ARFGAP2: variants seen among roughly 807,000 people sequenced by gnomAD.
The protein encoded by ARFGAP2 is ARF GTPase activating protein 2.
In ARFGAP2, 45 loss-of-function variants were observed where a neutral mutation model predicts 71.9. The ratio of observed to expected loss-of-function variants is 0.63; its 90% CI spans 0.49 to 0.80. ARFGAP2 has a LOEUF of 0.80. Among genes scored for constraint, ARFGAP2 ranks in the 30% least tolerant of loss-of-function variants. The pLI is 0.00. For missense variants in ARFGAP2, 633 were observed against 673.9 expected (o/e 0.94, Z 0.67); for synonymous variants, 248 against 249.2 (o/e 1.00, Z 0.05).
intron 10 of ARFGAP2, among the ~76,000 whole-genome samples, chr11:47,170,179 C>A (rs1399004693): frequency 6.6e-6 from 1 of 150,510 alleles, no homozygotes; most frequent in Non-Finnish European, 1.5e-5. Context: ...CAAAAATAAG[C>A]TGGGCATGGT....
At chr11:47,166,227 A>G in intron 15 of ARFGAP2, 41 bp downstream of exon 15, 1 of 1,601,122 alleles carries the variant, frequency 6.2e-7, no homozygotes, top group Non-Finnish European at 8.6e-7. Flanking sequence ...GCGAAGGGCA[A>G]ACCTCCCAGC....
chr11:47,172,375 CTCAGAGGCAGT>C (rs1952639051), intron 7 of ARFGAP2, 42 bp from the exon 8 acceptor site: 6 of 1,607,408 alleles, frequency 3.7e-6, no homozygotes, highest in Middle Eastern at 1.7e-4. Context: ...ACAAAGGCAG[CTCAGAGGCAGT>C]AGCTCAGTAT....
intron 7 of ARFGAP2, 113 bp from the exon 8 acceptor site, chr11:47,172,446 G>T: frequency 7.5e-7 from 1 of 1,325,504 alleles, no homozygotes; most frequent in East Asian, 2.3e-5. Context: ...TTCAGGCAAG[G>T]GAAGGCAAAG....
In ARFGAP2 at chr11:47,166,777, G is replaced by A. The variant is rs576771926; in HGVS notation, c.1315C>T (p.Arg439Trp). The A allele has an allele frequency of 9.7e-5, 156 of 1,613,614 alleles. No individual in the cohort carries two copies. The highest frequency in any genetic ancestry group is 1.9e-4 in the African/African-American group (14 of 75,030). ...KAISSDMFFG[R>W]EVDAEYEARS... ...CCACTTACCTCTGCATCCACCTCCC[G>A]CCCAAAGAACATGTCAGATGAGATG... Residue 439 changes from arginine to tryptophan, a missense_variant, in exon 13 of 16, where the codon CGG (arginine) becomes TGG (tryptophan). Arg to Trp is a moderately radical substitution (Grantham distance 101). Transcript: ENST00000524782.
At chr11:47,165,629 C>CCT in intron 15 of ARFGAP2, 127 bp from the exon 16 acceptor site, 2 of 1,072,136 alleles carry the variant, frequency 1.9e-6, no homozygotes, top group Non-Finnish European at 2.6e-6. Flanking sequence ...CTGGACAGCC[C>CCT]GGTGAGGCAG....
intron 5 of ARFGAP2, 168 bp downstream of exon 5, chr11:47,174,847 A>G: frequency 1.4e-6 from 1 of 716,258 alleles, no homozygotes; most frequent in African/African-American, 1.8e-5. Flanking sequence ...CCATTTATGG[A>G]GGAGGAAACA....
Position 47,171,542 on chromosome 11 carries a change from A to G in ARFGAP2, c.825T>C (p.Arg275=). ...QAEESMVASM[R]LAYQELQIDR... ...CAATCTGGAGCTCCTGGTAGGCCAG[A>G]CGCATGGAGGCGACCCTTAGGGGGA... is the stretch of plus-strand genomic sequence containing the variant. The change falls in exon 10 of 16, where the codon CGT becomes CGC. Residue 275 remains arginine (R), a synonymous_variant. Transcript: ENST00000524782. 3.1e-6 allele frequency: 5 copies of G among 1,614,182 alleles called. No homozygotes were observed. The highest frequency in any genetic ancestry group is 4.2e-6 in the Non-Finnish European group (5 of 1,180,026).
chr11:47,166,831 C>G lies in ARFGAP2; in HGVS notation c.1261G>C (p.Ala421Pro). Residue 421 changes from alanine to proline, a missense_variant, in exon 13 of 16, where the codon GCG (alanine) becomes CCG (proline). By Grantham distance (27) the Ala-to-Pro change is conservative. Transcript: ENST00000524782. ...SRSSGLESSE[A>P]RQKFAGAKAI... is the part of the protein sequence containing the mutation. ...TTGGCTCCTGCGAATTTCTGACGCG[C>G]CTCACTAGACTCGAGGCCTGAGCTC... 1 of 1,614,138 alleles carries G rather than the reference C, an allele frequency of 6.2e-7. No homozygotes were observed. The highest frequency in any genetic ancestry group is 8.5e-7 in the Non-Finnish European group (1 of 1,180,038).
intron 3 of ARFGAP2, 184 bp downstream of exon 3, chr11:47,175,667 G>A (rs1952781140): frequency 1.4e-6 from 1 of 701,166 alleles, no homozygotes; most frequent in Admixed American, 2.7e-5. Flanking sequence ...CAGTTTAATT[G>A]GAATCTGAAA....
Position 47,167,926 on chromosome 11 carries a change from G to C in ARFGAP2, c.1188C>G (p.Ile396Met). 6.2e-7 allele frequency: 1 copy of C among 1,612,064 alleles called. No homozygotes were observed. Among genetic ancestry groups the C allele is most frequent in the Non-Finnish European group, 8.5e-7 (1 of 1,179,082 alleles). ...CACTCTACCTTTCTGAAATAGGCCG[G>C]ATGCTTGAGATGGTCACTTCTGGCT... ...EKEPEVTISS[I>M]RPISERATNR... The change falls in exon 12 of 16, where the codon ATC (isoleucine) becomes ATG (methionine). Residue 396 changes from isoleucine (I) to methionine (M), a missense_variant. Physicochemically the swap from Ile to Met is conservative, Grantham distance 10. Transcript: ENST00000524782.
Position 47,165,507 on chromosome 11 carries a change from G to A in ARFGAP2, c.1546-5C>T. 2 of 1,549,546 alleles carry A rather than the reference G, an allele frequency of 1.3e-6. No homozygotes were observed. The highest frequency in any genetic ancestry group is 1.7e-6 in the Non-Finnish European group (2 of 1,153,338). ...TCAGTAGGAACCGTAGCGATCCTGG[G>A]GGCGAGGGGGGAGAAAAAAAAAAAA... On this transcript the variant is annotated splice_polypyrimidine_tract_variant and splice_region_variant and intron_variant, in intron 15 of 15. Transcript: ENST00000524782.
At chr11:47,165,878 G>T (rs1469715086) in intron 15 of ARFGAP2, among the ~76,000 whole-genome samples, 3 of 149,704 alleles carry the variant, frequency 2.0e-5, no homozygotes, top group Non-Finnish European at 4.5e-5. Context: ...TTCGTTTGTG[G>T]TTTTTTTTTT....
At chr11:47,174,100 C>G (rs1337316642) in intron 5 of ARFGAP2, 2 of 571,692 alleles carry the variant, frequency 3.5e-6, no homozygotes, top group Non-Finnish European at 6.2e-6. Context: ...ACTACCACCA[C>G]CTAGGCAGGC....
At chr11:47,174,462 C>T (rs1310023107) in intron 5 of ARFGAP2, 2 of 142,912 alleles carry the variant, frequency 1.4e-5, no homozygotes, top group Admixed American at 1.5e-4. Flanking sequence ...GTGGCGCAAT[C>T]TCGGCTCACT....
In ARFGAP2 at chr11:47,166,401, C is replaced by T; in HGVS notation, c.1427-15G>A. The T allele has an allele frequency of 7.4e-6, 12 of 1,613,334 alleles. No individual in the cohort carries two copies. Among genetic ancestry groups the T allele is most frequent in the Non-Finnish European group, 1.0e-5 (12 of 1,179,428 alleles). ...AGATACACTTCCTGTAAAACAAGAG[C>T]AGGGTGACCCAGAGCCCAGCAAGAA... On this transcript the variant is annotated splice_polypyrimidine_tract_variant and intron_variant, in intron 14 of 15. Transcript: ENST00000524782.
intron 7 of ARFGAP2, chr11:47,173,079 C>T (rs1952663959): frequency 2.5e-6 from 1 of 396,916 alleles, no homozygotes; most frequent in Non-Finnish European, 4.7e-6. Context: ...AGCTGTCCCT[C>T]CACCCCCGGA....
chr11:47,175,194 C>T lies in ARFGAP2; in HGVS notation c.384G>A (p.Arg128=), dbSNP rs776751806. ...IRQLGSAALA[R]HGTDLWIDNM... is the part of the protein sequence containing the mutation. Reference sequence around the variant, plus strand: ...AACAGGCACTTACATCAGTGCCATGCCTAGCCAGGGCCGCACTCCCCAGCT... The same window carrying T: ...AACAGGCACTTACATCAGTGCCATGTCTAGCCAGGGCCGCACTCCCCAGCT... Residue 128 remains arginine, a synonymous_variant, in exon 4 of 16, where the codon AGG becomes AGA. Coordinates refer to ENST00000524782, the MANE Select transcript of ARFGAP2 (RefSeq NM_032389.6). The T allele has an allele frequency of 1.9e-6, 3 of 1,614,178 alleles. No individual in the cohort carries two copies. Among genetic ancestry groups the T allele is most frequent in the South Asian group, 2.2e-5 (2 of 91,084 alleles).
chr11:47,167,280 G>T (rs1313239090), intron 12 of ARFGAP2, among the ~76,000 whole-genome samples: 1 of 152,184 alleles, frequency 6.6e-6, no homozygotes, highest in Non-Finnish European at 1.5e-5. Context: ...TCATAACTAT[G>T]AATAGCAAAC....
chr11:47,174,953 C>T, intron 5 of ARFGAP2, 62 bp downstream of exon 5: 1 of 1,553,096 alleles, frequency 6.4e-7, no homozygotes, highest in Non-Finnish European at 8.9e-7. Context: ...CACAGAAGGC[C>T]TGGGCCTTGG....
Sources: allele counts gnomAD v4.1 joint callset (sites outside exome capture counted in the v4.1 genomes callset), GRCh38; gene constraint gnomAD v4.1.1; transcripts MANE v1.5; gene names NCBI Gene and HGNC (gene_info 2026-07-23, HGNC 2026-07-21).